HTT: variants seen among roughly 807,000 people sequenced by gnomAD.
HTT encodes the protein huntingtin, also known as huntington disease protein.
Under a neutral mutation model 362.3 loss-of-function variants are expected in HTT, and 104 were observed. That is an observed-to-expected ratio of 0.29 (90% CI 0.24 to 0.34). HTT has a LOEUF of 0.34. Ranked by LOEUF, HTT falls within the 10% of genes least tolerant of loss-of-function variation. The probability of loss-of-function intolerance (pLI) is 1.00; values close to 1 mark genes in which losing one functional copy is unlikely to be tolerated. For synonymous variants in HTT, 1,577 were observed against 1,548.7 expected, an observed-to-expected ratio of 1.02 and a Z score of -0.43; for missense variants, 3,301 against 3,928.6, an observed-to-expected ratio of 0.84 and a Z score of 4.27.
Position 3,107,356 on chromosome 4 carries a change from C to A in HTT, c.680C>A (p.Thr227Asn). Residue 227 changes from threonine (T) to asparagine (N), a missense_variant, in exon 6 of 67, where the codon ACC becomes AAC. Coordinates refer to ENST00000355072, the MANE Select transcript of HTT (RefSeq NM_001388492.1). ...SKRPEESVQE[T>N]LAAAVPKIMA... ...AGACCCGAAGAATCAGTCCAGGAGA[C>A]CTTGGCTGCAGCTGTTCCCAAAATT... 6.2e-7 allele frequency: 1 copy of A among 1,614,150 alleles called. No individual in the cohort carries two copies.
intron 29 of HTT, among the ~76,000 whole-genome samples, chr4:3,162,108 A>G (rs1473690914): frequency 1.3e-5 from 2 of 152,176 alleles, no homozygotes; most frequent in Non-Finnish European, 2.9e-5. Context: ...TGTAAGGTAT[A>G]AGGAAGGGGT....
chr4:3,212,442 G>A (rs1366717483), intron 48 of HTT, 122 bp from the exon 49 acceptor site: 19 of 1,255,058 alleles, frequency 1.5e-5, no homozygotes, highest in Non-Finnish European at 1.4e-5. Context: ...ATGTGTAGAT[G>A]TGCCACTGAG....
intron 40 of HTT, among the ~76,000 whole-genome samples, chr4:3,195,263 C>T (rs1435569196): frequency 6.6e-6 from 1 of 152,212 alleles, no homozygotes; most frequent in African/African-American, 2.4e-5. Flanking sequence ...ATCCCACATC[C>T]TGCCTGTTTT....
intron 29 of HTT, among the ~76,000 whole-genome samples, chr4:3,161,731 T>A (rs1717458801): frequency 6.6e-6 from 1 of 152,226 alleles, no homozygotes; most frequent in Non-Finnish European, 1.5e-5. Flanking sequence ...TTTTGCGAAG[T>A]GTCTGTTCAT....
At chr4:3,141,684 C>T (rs1012764130) in intron 22 of HTT, among the ~76,000 whole-genome samples, 5 of 152,188 alleles carry the variant, frequency 3.3e-5, no homozygotes, top group African/African-American at 9.7e-5. Context: ...ATCACTTGAG[C>T]CCCGGAGGCA....
intron 2 of HTT, among the ~76,000 whole-genome samples, chr4:3,088,843 CTGT>C (rs1276657615): frequency 6.6e-6 from 1 of 151,918 alleles, no homozygotes; most frequent in Non-Finnish European, 1.5e-5. Flanking sequence ...TAACTCATTT[CTGT>C]TGTTTGTGAA....
rs556560086 is a variant in HTT at position 3,174,927 on chromosome 4, CTTTT to C, written c.4246-15_4246-12del. Reference sequence around the variant, plus strand: ...AGGCTTACTTATGGATTCTTTCTTTCTTTTTTTCTTTTTTATAGAATGCTATTCA... The same window carrying C: ...AGGCTTACTTATGGATTCTTTCTTTCTTTCTTTTTTATAGAATGCTATTCA... On this transcript the variant is annotated splice_polypyrimidine_tract_variant and intron_variant, in intron 32 of 66. Coordinates refer to ENST00000355072, the MANE Select transcript of HTT (RefSeq NM_001388492.1). 6.4e-7 allele frequency: 1 copy of C among 1,552,492 alleles called. No homozygotes were observed. The highest frequency in any genetic ancestry group is 1.4e-5 in the African/African-American group (1 of 72,344).
intron 33 of HTT, among the ~76,000 whole-genome samples, chr4:3,175,956 C>T (rs531295532): frequency 6.6e-6 from 1 of 151,750 alleles, no homozygotes; most frequent in Non-Finnish European, 1.5e-5. Flanking sequence ...TGAGGGCACT[C>T]GGTCAACACT....
In HTT at chr4:3,174,929, T is replaced by A; in HGVS notation, c.4246-17T>A. The A allele has an allele frequency of 6.4e-7, 1 of 1,558,008 alleles. No homozygotes were observed. The highest frequency in any genetic ancestry group is 8.7e-7 in the Non-Finnish European group (1 of 1,147,202). On this transcript the variant is annotated splice_polypyrimidine_tract_variant and intron_variant, in intron 32 of 66. Coordinates refer to ENST00000355072, the MANE Select transcript of HTT (RefSeq NM_001388492.1). ...GCTTACTTATGGATTCTTTCTTTCT[T>A]TTTTTCTTTTTTATAGAATGCTATT...
intron 6 of HTT, among the ~76,000 whole-genome samples, chr4:3,111,940 T>C (rs557640503): frequency 1.3e-5 from 2 of 152,338 alleles, no homozygotes; most frequent in South Asian, 4.1e-4. Context: ...TGCTTTTTGC[T>C]GGTATCCCTC....
intron 40 of HTT, among the ~76,000 whole-genome samples, chr4:3,192,362 C>G (rs1187212485): frequency 6.6e-6 from 1 of 152,144 alleles, no homozygotes; most frequent in East Asian, 1.9e-4. Flanking sequence ...ATAGGTGTCA[C>G]CCACCACGCC....
chr4:3,101,293 T>A (rs990212732), intron 3 of HTT, among the ~76,000 whole-genome samples: 1 of 152,168 alleles, frequency 6.6e-6, no homozygotes, highest in Non-Finnish European at 1.5e-5. Flanking sequence ...TGGTTTTAGG[T>A]CTCAGGTGCT....
intron 40 of HTT, 52 bp from the exon 41 acceptor site, chr4:3,199,679 TG>T: frequency 6.6e-7 from 1 of 1,510,736 alleles, no homozygotes; most frequent in Non-Finnish European, 9.2e-7. Flanking sequence ...CGTAGCCATG[TG>T]GCACTGGACC....
At position 3,186,731 on chromosome 4, in the gene HTT, G is replaced by T. The variant is rs575052638; in HGVS notation, c.4989+12G>T. 3 of 1,611,476 alleles carry T rather than the reference G, an allele frequency of 1.9e-6. No individual in the cohort carries two copies. The highest frequency in any genetic ancestry group is 2.5e-6 in the Non-Finnish European group (3 of 1,178,458). ...CTCCAAACACAATGGTGAGTCTCTCGCCTGGCTCAGCAGATGAATCTGGAC... is the reference window on the plus strand; with the variant it reads ...CTCCAAACACAATGGTGAGTCTCTCTCCTGGCTCAGCAGATGAATCTGGAC... On this transcript the variant is annotated intron_variant, in intron 38 of 66. Coordinates refer to ENST00000355072, the MANE Select transcript of HTT (RefSeq NM_001388492.1).
At chr4:3,105,958 CCTT>C (rs1460803094) in intron 5 of HTT, among the ~76,000 whole-genome samples, 1 of 152,228 alleles carries the variant, frequency 6.6e-6, no homozygotes, top group Non-Finnish European at 1.5e-5. Flanking sequence ...TCAGCTCCCT[CCTT>C]CTCCTTAACC....
chr4:3,114,097 A>G (rs1297676209), intron 6 of HTT, among the ~76,000 whole-genome samples: 3 of 152,248 alleles, frequency 2.0e-5, no homozygotes, highest in East Asian at 3.8e-4. Flanking sequence ...TAAATTAACT[A>G]AAAGTATCCC....
chr4:3,205,833 A>G (rs1033613870), intron 42 of HTT, among the ~76,000 whole-genome samples: 1 of 152,224 alleles, frequency 6.6e-6, no homozygotes, highest in South Asian at 2.1e-4. Flanking sequence ...CGTTAACCAA[A>G]TATCAAGGAA....
chr4:3,155,908 A>G (rs1371977886), intron 27 of HTT, among the ~76,000 whole-genome samples: 2 of 151,942 alleles, frequency 1.3e-5, no homozygotes, highest in African/African-American at 4.8e-5. Flanking sequence ...AAAAAAAAAA[A>G]AAAAAGAAGA....
At chr4:3,186,823 C>A in intron 38 of HTT, 104 bp downstream of exon 38, 2 of 606,148 alleles carry the variant, frequency 3.3e-6, no homozygotes, top group Admixed American at 3.0e-5. Flanking sequence ...TTGGGTAGGG[C>A]TTCTTGAGAG....
Sources: allele counts gnomAD v4.1 joint callset (sites outside exome capture counted in the v4.1 genomes callset), GRCh38; gene constraint gnomAD v4.1.1; transcripts MANE v1.5; gene names NCBI Gene and HGNC (gene_info 2026-07-23, HGNC 2026-07-21).